Variants in COL24A1 observed in about 807,000 individuals in gnomAD.
The protein encoded by COL24A1 is collagen alpha-1(XXIV) chain.
Under a neutral mutation model 253.9 loss-of-function variants are expected in COL24A1, and 224 were observed. The ratio of observed to expected loss-of-function variants is 0.88; its 90% CI spans 0.79 to 0.99. The LOEUF (loss-of-function observed/expected upper bound fraction) is 0.99. Ranked by LOEUF, COL24A1 falls within the 50% of genes least tolerant of loss-of-function variation. The probability of loss-of-function intolerance (pLI) is 0.00; values close to 1 mark genes in which losing one functional copy is unlikely to be tolerated. For missense variants in COL24A1, 2,131 were observed against 2,068.5 expected, an observed-to-expected ratio of 1.03 and a Z score of -0.59; for synonymous variants, 685 against 673.7, an observed-to-expected ratio of 1.02 and a Z score of -0.26.
intron 19 of COL24A1, among the ~76,000 whole-genome samples, chr1:86,016,601 C>T (rs747709746): frequency 6.6e-6 from 1 of 152,128 alleles, no homozygotes; most frequent in Non-Finnish European, 1.5e-5. Context: ...ATAGGTCTGA[C>T]TCATAGTAGG....
intron 2 of COL24A1, among the ~76,000 whole-genome samples, chr1:86,137,965 C>T (rs1650495609): frequency 2.0e-5 from 3 of 152,112 alleles, no homozygotes; most frequent in Admixed American, 2.0e-4. Flanking sequence ...GTATAAGACA[C>T]CTATGCCATT....
chr1:85,939,945 C>T (rs907874177), intron 24 of COL24A1, among the ~76,000 whole-genome samples: 1 of 150,130 alleles, frequency 6.7e-6, no homozygotes, highest in African/African-American at 2.5e-5. Flanking sequence ...ATAATGACTA[C>T]TCACCTGTGC....
At chr1:86,137,577 CTG>C (rs2102361412) in intron 2 of COL24A1, among the ~76,000 whole-genome samples, 1 of 152,276 alleles carries the variant, frequency 6.6e-6, no homozygotes, top group East Asian at 1.9e-4. Flanking sequence ...GCAGAACTGA[CTG>C]TATCTCCTTC....
At chr1:86,033,001 G>T (rs1250747788) in intron 13 of COL24A1, among the ~76,000 whole-genome samples, 1 of 151,948 alleles carries the variant, frequency 6.6e-6, no homozygotes. Context: ...CAAGAAAAAT[G>T]GTAAACATTC....
At chr1:85,844,971 T>C (rs945460225) in intron 39 of COL24A1, among the ~76,000 whole-genome samples, 2 of 151,848 alleles carry the variant, frequency 1.3e-5, no homozygotes, top group African/African-American at 4.8e-5. Flanking sequence ...TTAACACTTA[T>C]GCCTAAATCC....
intron 43 of COL24A1, among the ~76,000 whole-genome samples, chr1:85,835,213 C>T (rs1376752906): frequency 6.6e-6 from 1 of 152,030 alleles, no homozygotes; most frequent in African/African-American, 2.4e-5. Context: ...TCTGCCTCTG[C>T]CTCTGCCTCC....
chr1:85,948,519 G>A (rs1281792444), intron 24 of COL24A1, among the ~76,000 whole-genome samples: 4 of 82,466 alleles, frequency 4.9e-5, no homozygotes, highest in Non-Finnish European at 6.4e-5. Flanking sequence ...GCGAGACTCC[G>A]TCTCAAAAAA....
chr1:85,841,630 C>T (rs1301038562), intron 41 of COL24A1, among the ~76,000 whole-genome samples: 1 of 152,036 alleles, frequency 6.6e-6, no homozygotes, highest in Non-Finnish European at 1.5e-5. Flanking sequence ...CGGTGGTACT[C>T]ATCTGTCATG....
Position 85,730,712 on chromosome 1 carries a change from T to G in COL24A1, c.4999-20A>C, listed in dbSNP as rs201711455. ...TTGAATCTGTAAAATAAGAACAAAATGCTTTCATACGCATTTCATTAGCAG... is the reference window on the plus strand; with the variant it reads ...TTGAATCTGTAAAATAAGAACAAAAGGCTTTCATACGCATTTCATTAGCAG... On this transcript the variant is annotated intron_variant, in intron 59 of 59. Transcript: ENST00000370571. 1 of 1,612,998 alleles carries G rather than the reference T, an allele frequency of 6.2e-7. No homozygotes were observed. The highest frequency in any genetic ancestry group is 1.3e-5 in the African/African-American group (1 of 74,894).
At chr1:86,097,545 TC>T (rs1156649086) in intron 5 of COL24A1, among the ~76,000 whole-genome samples, 1 of 7,720 alleles carries the variant, frequency 1.3e-4, no homozygotes, top group African/African-American at 3.4e-4. Context: ...TCCTCCCTCC[TC>T]CCTCCTCCTC....
At chr1:85,841,945 TA>T in intron 41 of COL24A1, 122 bp downstream of exon 41, 1 of 725,566 alleles carries the variant, frequency 1.4e-6, no homozygotes, top group Non-Finnish European at 2.3e-6. Context: ...CCAGAATTAG[TA>T]AAATTTTCAA....
intron 7 of COL24A1, among the ~76,000 whole-genome samples, chr1:86,072,908 C>G (rs1022228142): frequency 6.6e-6 from 1 of 152,146 alleles, no homozygotes; most frequent in African/African-American, 2.4e-5. Context: ...GGAAAACTAA[C>G]AAACAGAAAG....
At chr1:85,903,958 C>G (rs2102868608) in intron 28 of COL24A1, among the ~76,000 whole-genome samples, 1 of 152,240 alleles carries the variant, frequency 6.6e-6, no homozygotes, top group Admixed American at 6.5e-5. Flanking sequence ...CACAGAGGAG[C>G]TCTGCCTTAT....
intron 1 of COL24A1, among the ~76,000 whole-genome samples, chr1:86,149,568 GC>G (rs1462704861): frequency 5.9e-5 from 9 of 152,136 alleles, no homozygotes; most frequent in Non-Finnish European, 1.2e-4. Context: ...TGTCTCACCT[GC>G]CCAAGGTAAT....
chr1:86,091,466 T>A (rs911569858), intron 6 of COL24A1, among the ~76,000 whole-genome samples: 13 of 152,040 alleles, frequency 8.6e-5, no homozygotes, highest in Non-Finnish European at 1.8e-4. Flanking sequence ...CCAAAATTGT[T>A]CAGGGATTTT....
At chr1:86,091,158 C>T (rs1182917759) in intron 6 of COL24A1, among the ~76,000 whole-genome samples, 1 of 151,840 alleles carries the variant, frequency 6.6e-6, no homozygotes, top group Non-Finnish European at 1.5e-5. Context: ...ATAATCTATT[C>T]CAAGTTATTT....
chr1:85,938,386 T>C (rs976365187), intron 24 of COL24A1, among the ~76,000 whole-genome samples: 2 of 146,418 alleles, frequency 1.4e-5, no homozygotes, highest in Non-Finnish European at 3.0e-5. Flanking sequence ...GCTATGGCAA[T>C]CTCTTGAGCC....
intron 28 of COL24A1, among the ~76,000 whole-genome samples, chr1:85,897,609 A>G (rs729102): frequency 0.31 from 47,664 of 152,024 alleles, 8,490 homozygotes; most frequent in East Asian, 0.51. Flanking sequence ...TGTTCATTCA[A>G]TAATTAGTTG....
chr1:85,953,254 C>T (rs376669655), intron 24 of COL24A1, among the ~76,000 whole-genome samples: 3 of 152,142 alleles, frequency 2.0e-5, no homozygotes, highest in Admixed American at 6.5e-5. Context: ...TGCCACCCCT[C>T]GACCCCTTCT....
Sources: gnomAD v4.1 joint callset for allele counts (sites outside exome capture counted in the v4.1 genomes callset) on GRCh38, gnomAD v4.1.1 for gene constraint, MANE v1.5 for transcripts, NCBI Gene and HGNC (gene_info 2026-07-23, HGNC 2026-07-21) for gene names.